Variants in ATG2B observed in about 807,000 individuals in gnomAD.
ATG2B encodes autophagy-related protein 2 homolog B.
Under a neutral mutation model 241.3 loss-of-function variants are expected in ATG2B, and 121 were observed. The observed-to-expected ratio is 0.50, with a 90% CI of 0.43 to 0.58. The LOEUF (loss-of-function observed/expected upper bound fraction) is 0.58, where lower values mean the gene tolerates loss of function less well. Among genes scored for constraint, ATG2B ranks in the 20% least tolerant of loss-of-function variants. The pLI is 0.00. For missense variants in ATG2B, 2,306 were observed against 2,491.6 expected (o/e 0.93, Z 1.59); for synonymous variants, 858 against 876.6 (o/e 0.98, Z 0.37).
chr14:96,327,331 T>C (rs564753218), intron 14 of ATG2B, among the ~76,000 whole-genome samples: 47 of 152,224 alleles, frequency 3.1e-4, no homozygotes, highest in Non-Finnish European at 5.7e-4. Flanking sequence ...AAATAAAATA[T>C]CTTTTTCCTT....
intron 1 of ATG2B, among the ~76,000 whole-genome samples, chr14:96,348,767 C>G (rs555504680): frequency 4.5e-4 from 69 of 151,854 alleles, no homozygotes; most frequent in Non-Finnish European, 7.6e-4. Context: ...TAAAAGAGCA[C>G]AACTGAATTA....
intron 25 of ATG2B, 46 bp downstream of exon 25, chr14:96,313,019 G>T: frequency 8.1e-7 from 1 of 1,237,976 alleles, no homozygotes; most frequent in Non-Finnish European, 1.2e-6. Flanking sequence ...CAATTGGTAT[G>T]TTTCGAACAG....
intron 1 of ATG2B, among the ~76,000 whole-genome samples, chr14:96,348,852 G>A (rs1047995461): frequency 2.6e-5 from 4 of 152,122 alleles, no homozygotes; most frequent in African/African-American, 9.7e-5. Context: ...GGCATTGTAT[G>A]CCTGTGTCAA....
intron 1 of ATG2B, among the ~76,000 whole-genome samples, chr14:96,347,932 T>C (rs1026280177): frequency 2.0e-5 from 3 of 152,150 alleles, no homozygotes; most frequent in Non-Finnish European, 4.4e-5. Flanking sequence ...TGGAGGTTCC[T>C]CAAAAAAACT....
chr14:96,325,589 G>A (rs1164212051), intron 15 of ATG2B, 60 bp downstream of exon 15: 1 of 1,487,224 alleles, frequency 6.7e-7, no homozygotes, highest in African/African-American at 1.4e-5. Flanking sequence ...GTGATGTTAA[G>A]TTTCAGTAGC....
chr14:96,327,969 C>T (rs1887627883), intron 14 of ATG2B, among the ~76,000 whole-genome samples: 1 of 152,156 alleles, frequency 6.6e-6, no homozygotes, highest in Non-Finnish European at 1.5e-5. Flanking sequence ...AGGTGTGTGC[C>T]ACCATGCCCA....
intron 1 of ATG2B, among the ~76,000 whole-genome samples, chr14:96,357,591 C>G (rs1888512545): frequency 6.6e-6 from 1 of 152,274 alleles, no homozygotes; most frequent in Admixed American, 6.5e-5. Context: ...CCTGCTCCTT[C>G]TCTAGAATTT....
chr14:96,308,263 TATATATATATATATATATA>T (rs1887039607), intron 29 of ATG2B, among the ~76,000 whole-genome samples: 7 of 26,458 alleles, frequency 2.6e-4, no homozygotes, highest in African/African-American at 6.8e-4. Flanking sequence ...CACACATATA[TATATATATATATATATATA>T]TTTTTTTTTT....
chr14:96,351,065 C>T (rs1042756478), intron 1 of ATG2B, among the ~76,000 whole-genome samples: 37 of 152,160 alleles, frequency 2.4e-4, no homozygotes, highest in African/African-American at 8.7e-4. Context: ...CTTTTTTTGG[C>T]ATGACACTCA....
chr14:96,348,962 T>G (rs1245622575), intron 1 of ATG2B, among the ~76,000 whole-genome samples: 1 of 152,162 alleles, frequency 6.6e-6, no homozygotes, highest in Admixed American at 6.5e-5. Context: ...AAAGATGATC[T>G]CGGTCCTCAC....
At chr14:96,350,347 G>A (rs1313763426) in intron 1 of ATG2B, among the ~76,000 whole-genome samples, 1 of 151,892 alleles carries the variant, frequency 6.6e-6, no homozygotes, top group Non-Finnish European at 1.5e-5. Flanking sequence ...AGACATAGAA[G>A]GAAAATTGAA....
Position 96,313,438 on chromosome 14 carries a change from A to G in ATG2B, c.3643-3T>C. The G allele has an allele frequency of 6.6e-7, 1 of 1,512,460 alleles. No homozygotes were observed. The highest frequency in any genetic ancestry group is 1.3e-5 in the South Asian group (1 of 78,790). 93.7% of individuals were successfully genotyped at this position (1,512,460 alleles called of 1,614,324 possible). On this transcript the variant is annotated splice_polypyrimidine_tract_variant and splice_region_variant and intron_variant, in intron 23 of 41. Coordinates refer to ENST00000359933, the MANE Select transcript of ATG2B (RefSeq NM_018036.7). Reference sequence around the variant, plus strand: ...GCAATATTCAAGAAGTATAAAATCTATAATCACAAAAAATTAAAACGCCCT... The same window carrying G: ...GCAATATTCAAGAAGTATAAAATCTGTAATCACAAAAAATTAAAACGCCCT...
At chr14:96,353,238 T>C (rs1300171715) in intron 1 of ATG2B, among the ~76,000 whole-genome samples, 1 of 152,186 alleles carries the variant, frequency 6.6e-6, no homozygotes, top group Non-Finnish European at 1.5e-5. Context: ...ATGACCCATT[T>C]CTCAGAACAT....
chr14:96,360,285 A>C (rs1566738648), intron 1 of ATG2B, among the ~76,000 whole-genome samples: 1 of 152,256 alleles, frequency 6.6e-6, no homozygotes, highest in Non-Finnish European at 1.5e-5. Context: ...TCCAAAAAAC[A>C]AAACATACTT....
Position 96,279,781 on chromosome 14 carries a change from T to C in ATG2B, c.*5974A>G, listed in dbSNP as rs1027072496. On this transcript the variant is annotated 3_prime_UTR_variant, in exon 42 of 42. Coordinates refer to ENST00000359933, the MANE Select transcript of ATG2B (RefSeq NM_018036.7). ...TAGCCCAGTGATTTTTAACAGGGGA[T>C]TTTTGTCATATTTGGCATATTTGGC... The C allele has an allele frequency of 6.6e-6, 1 of 152,206 alleles. No individual in the cohort carries two copies. The highest frequency in any genetic ancestry group is 6.5e-5 in the Admixed American group (1 of 15,278). 9.4% of individuals were successfully genotyped at this position (152,206 alleles called of 1,614,324 possible). A position where few individuals can be genotyped will look rare whatever the true frequency, so the allele number is the denominator to read the frequency against.
intron 34 of ATG2B, among the ~76,000 whole-genome samples, chr14:96,299,993 C>G (rs1186891582): frequency 6.6e-6 from 1 of 152,150 alleles, no homozygotes; most frequent in African/African-American, 2.4e-5. Context: ...AAGAGGCGAA[C>G]TGAAAAGAAT....
chr14:96,343,330 G>C (rs757193293), intron 4 of ATG2B, 49 bp from the exon 5 acceptor site: 2 of 1,414,060 alleles, frequency 1.4e-6, no homozygotes, highest in Non-Finnish European at 1.9e-6. Flanking sequence ...GGGGTGCAGC[G>C]CACCAGCATG....
intron 20 of ATG2B, 140 bp from the exon 21 acceptor site, chr14:96,316,823 A>G: frequency 4.4e-6 from 3 of 679,796 alleles, no homozygotes; most frequent in African/African-American, 1.8e-5. Context: ...TGAACTATTC[A>G]ATATCATGGT....
chr14:96,325,809 A>G lies in ATG2B; in HGVS notation c.2277T>C (p.Pro759=). The G allele has an allele frequency of 1.2e-6, 2 of 1,614,030 alleles. No homozygotes were observed. Among genetic ancestry groups the G allele is most frequent in the Non-Finnish European group, 1.7e-6 (2 of 1,179,980 alleles). The change falls in exon 15 of 42, where the codon CCT becomes CCC. Residue 759 remains proline (P), a synonymous_variant. Coordinates refer to ENST00000359933, the MANE Select transcript of ATG2B (RefSeq NM_018036.7). ...CTCTTTCTTGATCAGATCGAAGATC[A>G]GGTATTGGGAAGCGAACAGAAAGGT... ...ALNLSVRFPI[P]DLRSDQERGP...
Sources: allele counts gnomAD v4.1 joint callset (sites outside exome capture counted in the v4.1 genomes callset), GRCh38; gene constraint gnomAD v4.1.1; transcripts MANE v1.5; gene names NCBI Gene and HGNC (gene_info 2026-07-23, HGNC 2026-07-21).